The following DSCAM variants were observed in gnomAD, a reference collection of about 807,000 sequenced individuals.
DSCAM encodes DS cell adhesion molecule, also known as cell adhesion molecule DSCAM.
In DSCAM, 47 loss-of-function variants were observed where a neutral mutation model predicts 217.7. The observed-to-expected ratio is 0.22, with a 90% CI of 0.17 to 0.28. DSCAM has a LOEUF of 0.28. DSCAM is among the 10% of genes least tolerant of loss of function. The probability of loss-of-function intolerance (pLI) is 1.00; values close to 1 mark genes in which losing one functional copy is unlikely to be tolerated. For synonymous variants in DSCAM, 1,056 were observed against 1,015.3 expected (o/e 1.04, Z -0.76); for missense variants, 2,080 against 2,618.3 (o/e 0.79, Z 4.49).
intron 3 of DSCAM, among the ~76,000 whole-genome samples, chr21:40,479,892 G>A (rs1569140698): frequency 6.6e-6 from 1 of 152,228 alleles, no homozygotes; most frequent in Non-Finnish European, 1.5e-5. Flanking sequence ...AGACATATGT[G>A]TGTGTACATG....
chr21:40,759,254 G>C (rs1223763977), intron 1 of DSCAM, among the ~76,000 whole-genome samples: 1 of 151,970 alleles, frequency 6.6e-6, no homozygotes, highest in African/African-American at 2.4e-5. Context: ...CGTGCTCCAA[G>C]CCTATCCTGA....
intron 21 of DSCAM, 136 bp downstream of exon 21, chr21:40,093,583 ACC>A: frequency 9.4e-7 from 1 of 1,066,734 alleles, no homozygotes; most frequent in Non-Finnish European, 1.4e-6. Flanking sequence ...GTTAGCCACA[ACC>A]CTGTTTCTTG....
intron 11 of DSCAM, among the ~76,000 whole-genome samples, chr21:40,243,118 G>T (rs1379876364): frequency 6.6e-6 from 1 of 152,180 alleles, no homozygotes; most frequent in Non-Finnish European, 1.5e-5. Context: ...CCACCCCTGG[G>T]ATTCTGTTAC....
intron 3 of DSCAM, among the ~76,000 whole-genome samples, chr21:40,688,409 T>C (rs4818163): frequency 0.4 from 61,464 of 151,922 alleles, 14,012 homozygotes; most frequent in African/African-American, 0.64. Flanking sequence ...AGGATGGTGT[T>C]TTATGTATCT....
intron 11 of DSCAM, among the ~76,000 whole-genome samples, chr21:40,237,929 T>C (rs1197125979): frequency 1.3e-5 from 2 of 152,200 alleles, no homozygotes; most frequent in African/African-American, 2.4e-5. Context: ...ATCTTTCCCT[T>C]AATCACATCT....
intron 32 of DSCAM, among the ~76,000 whole-genome samples, chr21:40,020,251 C>T (rs2146419170): frequency 6.6e-6 from 1 of 152,266 alleles, no homozygotes; most frequent in Middle Eastern, 3.4e-3. Flanking sequence ...TCACCTTCCG[C>T]CATGATTGTG....
intron 3 of DSCAM, among the ~76,000 whole-genome samples, chr21:40,538,350 G>T (rs191627357): frequency 3.7e-4 from 57 of 152,262 alleles, no homozygotes; most frequent in African/African-American, 1.2e-3. Context: ...GGCCCATCAC[G>T]CTGTCCTGTA....
chr21:40,705,410 G>GT (rs75764489), intron 2 of DSCAM, among the ~76,000 whole-genome samples: 32,655 of 151,642 alleles, frequency 0.22, 3,949 homozygotes, highest in African/African-American at 0.32. Flanking sequence ...ATTTTTCGTT[G>GT]TTTTTTTTCA....
chr21:40,485,233 CTTTCTT>C (rs909164414), intron 3 of DSCAM, among the ~76,000 whole-genome samples: 2 of 132,968 alleles, frequency 1.5e-5, no homozygotes, highest in African/African-American at 2.9e-5. Flanking sequence ...CACTGACTTT[CTTTCTT>C]TTTTTTTTTT....
intron 8 of DSCAM, among the ~76,000 whole-genome samples, chr21:40,322,964 A>AC (rs2074276506): frequency 6.6e-6 from 1 of 152,212 alleles, no homozygotes; most frequent in Non-Finnish European, 1.5e-5. Flanking sequence ...CCACCAATTC[A>AC]TGGGGTGATG....
intron 3 of DSCAM, among the ~76,000 whole-genome samples, chr21:40,607,097 C>T (rs917424723): frequency 1.3e-5 from 2 of 151,762 alleles, no homozygotes; most frequent in Non-Finnish European, 3.0e-5. Flanking sequence ...AGTGTGAAAA[C>T]ACAGTCCCAC....
intron 16 of DSCAM, among the ~76,000 whole-genome samples, chr21:40,154,261 TTC>T (rs1294130598): frequency 6.6e-6 from 1 of 151,684 alleles, no homozygotes; most frequent in Non-Finnish European, 1.5e-5. Context: ...TCTTTTATTT[TTC>T]TTTCTTTTTC....
chr21:40,732,056 CACAT>C (rs1282377167), intron 1 of DSCAM, among the ~76,000 whole-genome samples: 8 of 152,240 alleles, frequency 5.3e-5, no homozygotes, highest in Middle Eastern at 3.4e-3. Context: ...GCCCCATCTC[CACAT>C]ACAATCACCT....
At position 40,632,837 on chromosome 21, in the gene DSCAM, A is replaced by C. The variant is rs901687577; in HGVS notation, c.508+59973T>G. ...CTGGAATGGAAAGATGGACGTGACC[A>C]TGTGCGAATCCCTTCAAGAGGCTGT... On this transcript the variant is annotated intron_variant, in intron 3 of 32. Coordinates refer to ENST00000400454, the MANE Select transcript of DSCAM (RefSeq NM_001389.5). Among the ~76,000 whole-genome samples, 3 of 152,304 alleles carry C rather than the reference A, an allele frequency of 2.0e-5. No homozygotes were observed. In the East Asian group the frequency reaches 5.8e-4, roughly 29 times the overall value.
At chr21:40,107,214 T>C (rs917165155) in intron 20 of DSCAM, among the ~76,000 whole-genome samples, 2 of 152,308 alleles carry the variant, frequency 1.3e-5, no homozygotes, top group African/African-American at 4.8e-5. Flanking sequence ...ATTTCTGTCT[T>C]AATTTCATTA....
intron 1 of DSCAM, among the ~76,000 whole-genome samples, chr21:40,823,897 C>A (rs1032769982): frequency 3.3e-5 from 5 of 152,036 alleles, no homozygotes; most frequent in African/African-American, 1.2e-4. Flanking sequence ...TATAAAATCC[C>A]TGTCAATGAC....
chr21:40,590,995 C>T (rs1166806249), intron 3 of DSCAM, among the ~76,000 whole-genome samples: 1 of 152,138 alleles, frequency 6.6e-6, no homozygotes, highest in Non-Finnish European at 1.5e-5. Flanking sequence ...CCCCATTATC[C>T]CCATAATCCC....
At chr21:40,203,301 G>A (rs908851782) in intron 11 of DSCAM, among the ~76,000 whole-genome samples, 2 of 152,200 alleles carry the variant, frequency 1.3e-5, no homozygotes, top group Non-Finnish European at 2.9e-5. Flanking sequence ...TACCATACAT[G>A]TATAGTACCT....
intron 1 of DSCAM, among the ~76,000 whole-genome samples, chr21:40,780,755 C>T (rs2091536489): frequency 6.6e-6 from 1 of 152,052 alleles, no homozygotes; most frequent in Non-Finnish European, 1.5e-5. Flanking sequence ...CAGGAGAGTC[C>T]AGCTTCGCTG....
Sources: gnomAD v4.1 joint callset for allele counts (sites outside exome capture counted in the v4.1 genomes callset) on GRCh38, gnomAD v4.1.1 for gene constraint, MANE v1.5 for transcripts, NCBI Gene and HGNC (gene_info 2026-07-23, HGNC 2026-07-21) for gene names.